CTNND2: variants seen among roughly 807,000 people sequenced by gnomAD.
CTNND2 encodes catenin delta-2.
CTNND2 carries 22 observed loss-of-function variants against 144.4 expected under a neutral mutation model. The ratio of observed to expected loss-of-function variants is 0.15; its 90% CI spans 0.11 to 0.22. CTNND2 has a LOEUF of 0.22. CTNND2 is among the 10% of genes least tolerant of loss of function. The probability of loss-of-function intolerance (pLI) is 1.00; values close to 1 mark genes in which losing one functional copy is unlikely to be tolerated. For synonymous variants in CTNND2, 751 were observed against 695.6 expected (o/e 1.08, Z -1.25); for missense variants, 1,353 against 1,618.8 (o/e 0.84, Z 2.82).
At chr5:11,049,662 G>C (rs935993489) in intron 16 of CTNND2, among the ~76,000 whole-genome samples, 16 of 152,126 alleles carry the variant, frequency 1.1e-4, no homozygotes, top group Non-Finnish European at 2.1e-4. Context: ...AATTCCTTCT[G>C]AACTTTCTTT....
intron 11 of CTNND2, among the ~76,000 whole-genome samples, chr5:11,162,860 C>G (rs1758913904): frequency 6.6e-6 from 1 of 151,060 alleles, no homozygotes; most frequent in South Asian, 2.1e-4. Context: ...TGGGAAACAA[C>G]TGGGAATTCC....
intron 19 of CTNND2, among the ~76,000 whole-genome samples, chr5:10,992,010 C>T (rs562108908): frequency 2.7e-4 from 41 of 152,316 alleles, no homozygotes; most frequent in African/African-American, 9.6e-4. Context: ...CTCGGCCTCC[C>T]GGGTTCAAGT....
chr5:11,408,866 AT>A (rs1171633915), intron 5 of CTNND2, among the ~76,000 whole-genome samples: 5 of 151,992 alleles, frequency 3.3e-5, no homozygotes, highest in South Asian at 2.1e-4. Flanking sequence ...ACAGAAAAAA[AT>A]ATCATCTATT....
intron 17 of CTNND2, among the ~76,000 whole-genome samples, chr5:11,018,504 G>T (rs1344128289): frequency 6.6e-6 from 1 of 152,182 alleles, no homozygotes; most frequent in Non-Finnish European, 1.5e-5. Context: ...GGCCTCTTGT[G>T]CCAAACAGTG....
At chr5:11,392,312 G>C (rs1253409615) in intron 6 of CTNND2, among the ~76,000 whole-genome samples, 2 of 151,998 alleles carry the variant, frequency 1.3e-5, no homozygotes, top group Non-Finnish European at 1.5e-5. Flanking sequence ...CCATTTCTGT[G>C]GTCTACCAGT....
At chr5:11,001,558 T>A (rs1196437802) in intron 18 of CTNND2, among the ~76,000 whole-genome samples, 1 of 152,162 alleles carries the variant, frequency 6.6e-6, no homozygotes, top group African/African-American at 2.4e-5. Context: ...GAAATGATAA[T>A]CAATTTCACA....
intron 1 of CTNND2, among the ~76,000 whole-genome samples, chr5:11,743,727 G>A (rs1188165691): frequency 6.6e-6 from 1 of 152,134 alleles, no homozygotes. Context: ...AGTGGAAGAT[G>A]TGATGGCTGG....
At chr5:11,834,254 C>T (rs963879377) in intron 1 of CTNND2, among the ~76,000 whole-genome samples, 4 of 152,122 alleles carry the variant, frequency 2.6e-5, no homozygotes, top group African/African-American at 7.2e-5. Context: ...AAAATAAATG[C>T]AAAGTAACAT....
At chr5:11,496,948 T>C (rs1187249816) in intron 3 of CTNND2, among the ~76,000 whole-genome samples, 1 of 152,190 alleles carries the variant, frequency 6.6e-6, no homozygotes, top group Admixed American at 6.5e-5. Context: ...TCCTGAGTTT[T>C]GACTGCCTGA....
chr5:11,240,325 A>ATT (rs1742147823), intron 9 of CTNND2, among the ~76,000 whole-genome samples: 1 of 135,264 alleles, frequency 7.4e-6, no homozygotes, highest in African/African-American at 2.8e-5. Flanking sequence ...CAACACACAC[A>ATT]CACCCAACAC....
chr5:11,291,236 C>T (rs1167953696), intron 9 of CTNND2, among the ~76,000 whole-genome samples: 4 of 152,068 alleles, frequency 2.6e-5, no homozygotes, highest in African/African-American at 9.7e-5. Context: ...CATTTTCCTT[C>T]GAATGTCTCT....
At chr5:11,564,141 C>G (rs61763043) in intron 3 of CTNND2, among the ~76,000 whole-genome samples, 49 of 152,324 alleles carry the variant, frequency 3.2e-4, no homozygotes, top group African/African-American at 1.1e-3. Context: ...TAGAGAGAAA[C>G]AAACTACTAT....
At chr5:11,553,229 T>C (rs1775922359) in intron 3 of CTNND2, among the ~76,000 whole-genome samples, 1 of 152,226 alleles carries the variant, frequency 6.6e-6, no homozygotes, top group Non-Finnish European at 1.5e-5. Flanking sequence ...TGGAGACCTA[T>C]TAAGGTGGCC....
At chr5:11,843,327 A>AG (rs35014326) in intron 1 of CTNND2, among the ~76,000 whole-genome samples, 24,990 of 152,148 alleles carry the variant, frequency 0.16, 5,048 homozygotes, top group African/African-American at 0.48. Flanking sequence ...GTGGACACCC[A>AG]GCAGGCAAGA....
chr5:11,471,900 T>C (rs1045065246), intron 3 of CTNND2, among the ~76,000 whole-genome samples: 1 of 152,228 alleles, frequency 6.6e-6, no homozygotes, highest in Non-Finnish European at 1.5e-5. Context: ...ATTACTATTG[T>C]TAAAGTGAAT....
intron 9 of CTNND2, among the ~76,000 whole-genome samples, chr5:11,328,475 T>C (rs959355240): frequency 1.3e-5 from 2 of 152,054 alleles, no homozygotes; most frequent in Non-Finnish European, 2.9e-5. Flanking sequence ...TGTTGTTTTT[T>C]GTATTTTTTG....
At chr5:11,523,383 T>C (rs1016181620) in intron 3 of CTNND2, among the ~76,000 whole-genome samples, 1 of 152,210 alleles carries the variant, frequency 6.6e-6, no homozygotes, top group Non-Finnish European at 1.5e-5. Context: ...TATGGTATCA[T>C]GTATATCGAG....
At chr5:11,501,775 G>A (rs933831414) in intron 3 of CTNND2, among the ~76,000 whole-genome samples, 3 of 151,776 alleles carry the variant, frequency 2.0e-5, no homozygotes, top group African/African-American at 4.8e-5. Context: ...TTGGGAGGCC[G>A]AGACGGGCAG....
intron 12 of CTNND2, among the ~76,000 whole-genome samples, chr5:11,131,888 T>G (rs1755651427): frequency 6.6e-6 from 1 of 152,236 alleles, no homozygotes; most frequent in Non-Finnish European, 1.5e-5. Context: ...TGCAGGATAT[T>G]TTAACAAATC....
Sources: allele counts gnomAD v4.1 joint callset (sites outside exome capture counted in the v4.1 genomes callset), GRCh38; gene constraint gnomAD v4.1.1; transcripts MANE v1.5; gene names NCBI Gene and HGNC (gene_info 2026-07-23, HGNC 2026-07-21).